The following PDGFD variants were observed in gnomAD, a reference collection of about 807,000 sequenced individuals.
The protein encoded by PDGFD is platelet-derived growth factor D.
A neutral mutation model predicts 44.7 loss-of-function variants in PDGFD; 30 were observed. That is an observed-to-expected ratio of 0.67 (90% CI 0.50 to 0.91). The LOEUF (loss-of-function observed/expected upper bound fraction) is 0.91, where lower values mean the gene tolerates loss of function less well. Among genes scored for constraint, PDGFD ranks in the 40% least tolerant of loss-of-function variants. PDGFD has a pLI of 0.00. For synonymous variants in PDGFD, 173 were observed against 168.4 expected, an observed-to-expected ratio of 1.03 and a Z score of -0.21; for missense variants, 445 against 457.8, an observed-to-expected ratio of 0.97 and a Z score of 0.25.
chr11:104,017,965 A>G (rs1265769340), intron 1 of PDGFD, among the ~76,000 whole-genome samples: 3 of 152,182 alleles, frequency 2.0e-5, no homozygotes, highest in Admixed American at 1.3e-4. Flanking sequence ...TGGTTCTCAC[A>G]AGACAGAGAT....
At chr11:103,984,896 AAT>A (rs1335558098) in intron 3 of PDGFD, among the ~76,000 whole-genome samples, 1 of 140,184 alleles carries the variant, frequency 7.1e-6, no homozygotes, top group Non-Finnish European at 1.5e-5. Context: ...TTTACTATAT[AAT>A]ATATTAATTT....
At chr11:103,926,514 A>G (rs753185394) in intron 6 of PDGFD, among the ~76,000 whole-genome samples, 14 of 152,218 alleles carry the variant, frequency 9.2e-5, no homozygotes, top group Non-Finnish European at 2.1e-4. Context: ...AAATTTATTA[A>G]ATGATATAAT....
At chr11:104,089,231 G>A (rs1861176574) in intron 1 of PDGFD, among the ~76,000 whole-genome samples, 1 of 152,104 alleles carries the variant, frequency 6.6e-6, no homozygotes, top group South Asian at 2.1e-4. Flanking sequence ...GGGTTCCTTT[G>A]GTAGTCAGAG....
At chr11:104,071,039 C>T (rs1028263175) in intron 1 of PDGFD, among the ~76,000 whole-genome samples, 4 of 151,950 alleles carry the variant, frequency 2.6e-5, no homozygotes, top group Admixed American at 2.0e-4. Flanking sequence ...TCCCTCACTG[C>T]CTCACTAGGG....
chr11:103,977,253 T>C (rs893129286), intron 3 of PDGFD, among the ~76,000 whole-genome samples: 1 of 152,166 alleles, frequency 6.6e-6, no homozygotes, highest in East Asian at 1.9e-4. Context: ...AGTAAAATTC[T>C]ACCAGAGGTA....
In PDGFD at chr11:103,979,081, T is replaced by C. The variant is rs558104692; in HGVS notation, c.510+16984A>G. Among the ~76,000 whole-genome samples, 7 of 152,174 alleles carry C rather than the reference T, an allele frequency of 4.6e-5. 1 individual carries two copies. The highest frequency in any genetic ancestry group is 1.7e-4 in the African/African-American group (7 of 41,554). On this transcript the variant is annotated intron_variant, in intron 3 of 6. Transcript: ENST00000393158. ...GAGTCAGGCATCAGTTCTGGACATG[T>C]ATGTTTAAAAGAAAATTCTAATGCA...
chr11:104,067,304 C>A (rs1860803442), intron 1 of PDGFD, among the ~76,000 whole-genome samples: 1 of 152,108 alleles, frequency 6.6e-6, no homozygotes, highest in Non-Finnish European at 1.5e-5. Context: ...CATTTCTTTT[C>A]AAACAGTAGA....
intron 1 of PDGFD, among the ~76,000 whole-genome samples, chr11:104,142,338 C>T (rs116372093): frequency 0.01 from 1,537 of 151,748 alleles, 28 homozygotes; most frequent in African/African-American, 0.035. Flanking sequence ...AATATGTGTG[C>T]GTGGTGTACA....
chr11:103,950,121 A>C (rs1409525760), intron 3 of PDGFD, among the ~76,000 whole-genome samples: 2 of 152,188 alleles, frequency 1.3e-5, no homozygotes, highest in Non-Finnish European at 2.9e-5. Flanking sequence ...TTTGGGAAGT[A>C]TCAACACAAA....
At chr11:104,061,666 G>A (rs1010918431) in intron 1 of PDGFD, among the ~76,000 whole-genome samples, 1 of 152,196 alleles carries the variant, frequency 6.6e-6, no homozygotes, top group African/African-American at 2.4e-5. Context: ...CTGGAGTGCA[G>A]TGGCGTGATC....
At chr11:104,162,857 A>G (rs1330045362) in intron 1 of PDGFD, among the ~76,000 whole-genome samples, 1 of 152,172 alleles carries the variant, frequency 6.6e-6, no homozygotes, top group African/African-American at 2.4e-5. Context: ...CAGGAGAGAA[A>G]GATACTGATG....
At chr11:103,937,528 T>C (rs1004744239) in intron 5 of PDGFD, among the ~76,000 whole-genome samples, 1 of 152,062 alleles carries the variant, frequency 6.6e-6, no homozygotes, top group Non-Finnish European at 1.5e-5. Context: ...TAGGTATATG[T>C]TTTTTCTGTT....
At chr11:103,996,040 A>C in intron 3 of PDGFD, 25 bp downstream of exon 3, 1 of 1,586,236 alleles carries the variant, frequency 6.3e-7, no homozygotes, top group Non-Finnish European at 8.6e-7. Flanking sequence ...GTCTGCTTTT[A>C]ATCATAAAGT....
intron 1 of PDGFD, among the ~76,000 whole-genome samples, chr11:104,030,251 C>G (rs1218242691): frequency 6.6e-6 from 1 of 152,218 alleles, no homozygotes; most frequent in Non-Finnish European, 1.5e-5. Flanking sequence ...ATAAGGGAAA[C>G]TCAACCTGTA....
At chr11:104,055,508 G>T (rs984928470) in intron 1 of PDGFD, among the ~76,000 whole-genome samples, 1 of 152,228 alleles carries the variant, frequency 6.6e-6, no homozygotes, top group Non-Finnish European at 1.5e-5. Flanking sequence ...CTGGCACTTA[G>T]TTGGATCAGT....
intron 1 of PDGFD, among the ~76,000 whole-genome samples, chr11:104,017,907 C>T (rs1480805233): frequency 1.3e-5 from 2 of 152,048 alleles, no homozygotes; most frequent in Non-Finnish European, 2.9e-5. Context: ...ACCATAACTG[C>T]CATTTATATC....
chr11:104,151,166 C>T (rs976333853), intron 1 of PDGFD, among the ~76,000 whole-genome samples: 2 of 152,042 alleles, frequency 1.3e-5, no homozygotes, highest in Non-Finnish European at 2.9e-5. Context: ...CTCTCCCTTT[C>T]TTTTCTTTCT....
At position 103,992,296 on chromosome 11, in the gene PDGFD, T is replaced by C. The variant is rs1859468254; in HGVS notation, c.510+3769A>G. ...ATGTATAAGGCACTGTATAGAATTA[T>C]GCATAGGAATGAGATACACATCCCA... On this transcript the variant is annotated intron_variant, in intron 3 of 6. Coordinates refer to ENST00000393158, the MANE Select transcript of PDGFD (RefSeq NM_025208.5). Among the ~76,000 whole-genome samples, 5 of 152,154 alleles carry C rather than the reference T, an allele frequency of 3.3e-5. No individual in the cohort carries two copies. The South Asian group carries it at 1.0e-3, about 32-fold the overall frequency.
intron 3 of PDGFD, among the ~76,000 whole-genome samples, chr11:103,973,837 G>C (rs1859140809): frequency 6.6e-6 from 1 of 152,166 alleles, no homozygotes; most frequent in Non-Finnish European, 1.5e-5. Context: ...GCTGGGGTAA[G>C]AGAGAGAGCG....
Sources: gnomAD v4.1 joint callset for allele counts (sites outside exome capture counted in the v4.1 genomes callset) on GRCh38, gnomAD v4.1.1 for gene constraint, MANE v1.5 for transcripts, NCBI Gene and HGNC (gene_info 2026-07-23, HGNC 2026-07-21) for gene names.